The following SYNE1 variants were observed in gnomAD, a reference collection of about 807,000 sequenced individuals.
SYNE1 encodes the protein nesprin-1.
A neutral mutation model predicts 1,111.0 loss-of-function variants in SYNE1; 616 were observed. The observed-to-expected ratio is 0.55, with a 90% confidence interval of 0.52 to 0.59. The LOEUF is 0.59. Among genes scored for constraint, SYNE1 ranks in the 20% least tolerant of loss-of-function variants. The pLI, the probability that SYNE1 is intolerant of heterozygous loss-of-function variation, is 0.00. For missense variants in SYNE1, 10,006 were observed against 10,417.0 expected, an observed-to-expected ratio of 0.96 and a Z score of 1.72; for synonymous variants, 3,855 against 3,825.8, an observed-to-expected ratio of 1.01 and a Z score of -0.28.
chr6:152,326,578 G>C lies in SYNE1; in HGVS notation c.15011C>G (p.Ala5004Gly). 1 of 1,614,182 alleles carries C rather than the reference G, an allele frequency of 6.2e-7. No individual in the cohort carries two copies. Among genetic ancestry groups the C allele is most frequent in the Non-Finnish European group, 8.5e-7 (1 of 1,180,040 alleles). The change falls in exon 79 of 146, where the codon GCA becomes GGA. Residue 5004 changes from alanine (A) to glycine (G), a missense_variant. Around this residue, in one of 7 missense-constraint regions of SYNE1, gnomAD observed 4,955 missense variants for 5,017.2 expected, o/e 0.99. Coordinates refer to ENST00000367255, the MANE Select transcript of SYNE1 (RefSeq NM_182961.4). The stretch of plus-strand genomic sequence containing the variant: ...GGCATCCTCAAGCCAGTCATTGGCT[G>C]CTTGAAATACCTGATAATACCTTTG... ...QCQRYYQVFQAANDWLEDAQE... is the reference protein window; with the variant it reads ...QCQRYYQVFQGANDWLEDAQE...
intron 54 of SYNE1, among the ~76,000 whole-genome samples, chr6:152,386,669 G>T (rs1270006770): frequency 6.6e-6 from 1 of 152,120 alleles, no homozygotes; most frequent in Non-Finnish European, 1.5e-5. Context: ...GATGAGAGAT[G>T]AACACAATAT....
At position 152,510,478 on chromosome 6, in the gene SYNE1, C is replaced by T. The variant is rs1322568864; in HGVS notation, c.403-107G>A. ...AAATGAGTTATGTTAACACTCTTGA[C>T]ATTCCTGACAAAATGCAAGCTCTTA... On this transcript the variant is annotated intron_variant, in intron 7 of 145. Transcript: ENST00000367255. 4.4e-5 allele frequency: 57 copies of T among 1,308,512 alleles called. No homozygotes were observed. In the South Asian group the frequency reaches 5.8e-4, roughly 13 times the overall value. The allele number at this position is 1,308,512 out of a possible 1,614,324, so 81.1% of individuals were successfully genotyped here. A position where few individuals can be genotyped will look rare whatever the true frequency, so the allele number is the denominator to read the frequency against.
At chr6:152,281,685 A>G (rs2094036566) in intron 97 of SYNE1, 122 bp downstream of exon 97, 1 of 1,044,414 alleles carries the variant, frequency 9.6e-7, no homozygotes, top group African/African-American at 1.6e-5. Flanking sequence ...CTTTAAATGT[A>G]TAAAGTCTAT....
chr6:152,376,600 T>A, intron 57 of SYNE1, 42 bp from the exon 58 acceptor site: 3 of 1,608,112 alleles, frequency 1.9e-6, no homozygotes, highest in Non-Finnish European at 2.5e-6. Flanking sequence ...GAAAAAGCGA[T>A]AAAGTTGATG....
At chr6:152,564,090 G>A (rs1055318834) in intron 3 of SYNE1, among the ~76,000 whole-genome samples, 5 of 152,120 alleles carry the variant, frequency 3.3e-5, no homozygotes, top group African/African-American at 7.2e-5. Flanking sequence ...TTTATACTGC[G>A]TAAGACAATC....
intron 3 of SYNE1, among the ~76,000 whole-genome samples, chr6:152,626,962 G>C (rs1219777992): frequency 6.6e-6 from 1 of 152,080 alleles, no homozygotes; most frequent in Non-Finnish European, 1.5e-5. Context: ...AAAGAAAGTG[G>C]GTCTGTGACA....
rs1049487408 is a variant in SYNE1 at position 152,312,362 on chromosome 6, G to T, written c.16711-1489C>A. Among the ~76,000 whole-genome samples, 3 of 150,304 alleles carry T rather than the reference G, an allele frequency of 2.0e-5. No homozygotes were observed. The East Asian group carries it at 5.9e-4, about 29-fold the overall frequency. Reference sequence around the variant, plus strand: ...GTAGCTGGGATTACAGGCATGAGCCGCCACGCCCAGCTAATTTTGTATTTT... The same window carrying T: ...GTAGCTGGGATTACAGGCATGAGCCTCCACGCCCAGCTAATTTTGTATTTT... On this transcript the variant is annotated intron_variant, in intron 87 of 145. Coordinates refer to ENST00000367255, the MANE Select transcript of SYNE1 (RefSeq NM_182961.4).
Position 152,321,249 on chromosome 6 carries a change from T to C in SYNE1, c.16225A>G (p.Ile5409Val), listed in dbSNP as rs1462000013. The stretch of plus-strand genomic sequence containing the variant: ...GATCATAGGTTTACCTGATCTCGGA[T>C]CTTTAGATCTAACGCCACTTCAGCC... ...QLAEVALDLK[I>V]RDQIQDKIKE... The change falls in exon 84 of 146, where the codon ATC (isoleucine) becomes GTC (valine). Residue 5409 changes from isoleucine (I) to valine (V), a missense_variant. Physicochemically the swap from Ile to Val is conservative, Grantham distance 29. Coordinates refer to ENST00000367255, the MANE Select transcript of SYNE1 (RefSeq NM_182961.4). The C allele has an allele frequency of 1.2e-6, 2 of 1,613,852 alleles. No homozygotes were observed. Among genetic ancestry groups the C allele is most frequent in the Non-Finnish European group, 1.7e-6 (2 of 1,179,880 alleles).
At chr6:152,539,186 G>A (rs1472326775) in intron 4 of SYNE1, among the ~76,000 whole-genome samples, 2 of 152,080 alleles carry the variant, frequency 1.3e-5, no homozygotes, top group Admixed American at 6.6e-5. Context: ...TGACTTGAAG[G>A]GAGAGTCAAC....
intron 77 of SYNE1, among the ~76,000 whole-genome samples, chr6:152,333,687 C>T (rs1170701067): frequency 1.3e-5 from 2 of 152,044 alleles, no homozygotes; most frequent in Non-Finnish European, 2.9e-5. Context: ...GGCTGGAGTA[C>T]AGTGGTGCAA....
rs567753957 is a variant in SYNE1 at position 152,353,660 on chromosome 6, C to T, written c.11011G>A (p.Val3671Met). Residue 3671 changes from valine to methionine, a missense_variant, in exon 68 of 146, where the codon GTG becomes ATG. Transcript: ENST00000367255. ...GCCTGGCAACCCATTCTGCTGTTCACGTGGCTCTCGTCCAGTATCTCCTGA... is the reference window on the plus strand; with the variant it reads ...GCCTGGCAACCCATTCTGCTGTTCATGTGGCTCTCGTCCAGTATCTCCTGA... ...RAQEILDESH[V>M]NSRMGCQATQ... 4.1e-5 allele frequency: 66 copies of T among 1,614,224 alleles called. No individual in the cohort carries two copies. Among genetic ancestry groups the T allele is most frequent in the South Asian group, 3.5e-4 (32 of 91,086 alleles).
Position 152,231,414 on chromosome 6 carries a change from G to A in SYNE1, c.21016C>T (p.Leu7006=). 6.2e-7 allele frequency: 1 copy of A among 1,614,126 alleles called. No homozygotes were observed. The highest frequency in any genetic ancestry group is 8.5e-7 in the Non-Finnish European group (1 of 1,180,018). The change falls in exon 114 of 146, where the codon CTG becomes TTG. Residue 7006 remains leucine, a synonymous_variant. Coordinates refer to ENST00000367255, the MANE Select transcript of SYNE1 (RefSeq NM_182961.4). ...ACCTTCTCAGTTACTAGACCTTGCA[G>A]AATTTGCCAACTTTTATTCATTGCT... ...LGAMNKSWQI[L]QGLVTEKIQL...
intron 36 of SYNE1, among the ~76,000 whole-genome samples, chr6:152,428,851 A>G (rs1466261166): frequency 6.6e-6 from 1 of 152,120 alleles, no homozygotes; most frequent in Non-Finnish European, 1.5e-5. Flanking sequence ...ACAGAAATCA[A>G]AAACGAAAAT....
At chr6:152,278,011 T>A in intron 98 of SYNE1, 78 bp downstream of exon 98, 3 of 1,540,818 alleles carry the variant, frequency 1.9e-6, no homozygotes, top group Non-Finnish European at 2.7e-6. Flanking sequence ...AACCTGTTCC[T>A]TTACCTGGCA....
intron 128 of SYNE1, among the ~76,000 whole-genome samples, chr6:152,186,978 T>C (rs2070324034): frequency 6.6e-6 from 1 of 152,226 alleles, no homozygotes; most frequent in Non-Finnish European, 1.5e-5. Flanking sequence ...GATGATTTAC[T>C]GTATAATAAG....
At chr6:152,259,071 A>G (rs951761688) in intron 101 of SYNE1, among the ~76,000 whole-genome samples, 12 of 151,904 alleles carry the variant, frequency 7.9e-5, no homozygotes, top group Admixed American at 6.6e-4. Flanking sequence ...TTTTCAAAAT[A>G]CCTCCTCACC....
chr6:152,137,778 A>C (rs565805714), intron 140 of SYNE1, among the ~76,000 whole-genome samples: 2 of 152,366 alleles, frequency 1.3e-5, no homozygotes, highest in East Asian at 3.9e-4. Flanking sequence ...CATACTGTAG[A>C]ATAGATTCAA....
intron 98 of SYNE1, among the ~76,000 whole-genome samples, chr6:152,276,832 C>T (rs184633506): frequency 2.0e-5 from 3 of 151,642 alleles, no homozygotes; most frequent in Admixed American, 2.0e-4. Flanking sequence ...CTATTTGGTC[C>T]CTGGCTTACT....
chr6:152,143,918 C>T, intron 137 of SYNE1, 153 bp from the exon 138 acceptor site: 2 of 1,104,710 alleles, frequency 1.8e-6, no homozygotes, highest in South Asian at 1.4e-5. Context: ...TACCATCGTG[C>T]CGGTGGGTTA....
Sources: gnomAD v4.1 joint callset for allele counts (sites outside exome capture counted in the v4.1 genomes callset) on GRCh38, gnomAD v4.1.1 for gene constraint, gnomAD v4.1.1 regional missense constraint, MANE v1.5 for transcripts, NCBI Gene and HGNC (gene_info 2026-07-23, HGNC 2026-07-21) for gene names.